AP1M1: variants seen among roughly 807,000 people sequenced by gnomAD.
AP1M1 encodes AP-1 complex subunit mu-1.
Under a neutral mutation model 57.1 loss-of-function variants are expected in AP1M1, and 18 were observed. The observed-to-expected ratio is 0.32, with a 90% CI of 0.22 to 0.47. The LOEUF is 0.47. AP1M1 is among the 20% of genes least tolerant of loss of function. The pLI, the probability that AP1M1 is intolerant of heterozygous loss-of-function variation, is 1.00. For synonymous variants in AP1M1, 241 were observed against 237.9 expected, an observed-to-expected ratio of 1.01 and a Z score of -0.12; for missense variants, 362 against 593.5, an observed-to-expected ratio of 0.61 and a Z score of 4.05.
chr19:16,225,543 G>A (rs774916023), intron 5 of AP1M1, among the ~76,000 whole-genome samples: 6 of 152,218 alleles, frequency 3.9e-5, no homozygotes, highest in Non-Finnish European at 8.8e-5. Context: ...GACAGGCTAG[G>A]GGGTGCAGGA....
At chr19:16,204,707 T>A (rs1413606144) in intron 2 of AP1M1, among the ~76,000 whole-genome samples, 1 of 152,178 alleles carries the variant, frequency 6.6e-6, no homozygotes, top group Non-Finnish European at 1.5e-5. Context: ...GATTTGTTCC[T>A]GGTGGCCGGT....
intron 5 of AP1M1, among the ~76,000 whole-genome samples, chr19:16,219,398 G>GTTTTTTTTT (rs71178659): frequency 4.7e-5 from 1 of 21,478 alleles, no homozygotes; most frequent in African/African-American, 7.4e-5. Context: ...TTGTTTTTTT[G>GTTTTTTTTT]TTTTTTTTTT....
chr19:16,208,372 A>C (rs1599454716), intron 4 of AP1M1: 5 of 420,856 alleles, frequency 1.2e-5, no homozygotes, highest in Non-Finnish European at 1.7e-5. Context: ...CCTCATCTTT[A>C]CTCTCCATCC....
chr19:16,227,465 G>A lies in AP1M1; in HGVS notation c.674-83G>A. 2 of 1,513,334 alleles carry A rather than the reference G, an allele frequency of 1.3e-6. No homozygotes were observed. The allele number at this position is 1,513,334 out of a possible 1,614,324, so 93.7% of individuals were successfully genotyped here. A position where few individuals can be genotyped will look rare whatever the true frequency, so the allele number is the denominator to read the frequency against. Reference sequence around the variant, plus strand: ...GTGGACTGGGGGCCCTGCTCTGCCGGGGTGGGTTGCAGGTGGTAGGAGTAC... The same window carrying A: ...GTGGACTGGGGGCCCTGCTCTGCCGAGGTGGGTTGCAGGTGGTAGGAGTAC... On this transcript the variant is annotated intron_variant, in intron 6 of 11. Transcript: ENST00000291439. This position sits in a 1 kb window ranked among gnomAD's most constrained non-coding sequence, Gnocchi z 6.2.
intron 5 of AP1M1, 177 bp downstream of exon 5, chr19:16,209,354 G>A (rs778990913): frequency 3.1e-5 from 20 of 654,890 alleles, no homozygotes; most frequent in South Asian, 1.0e-4. Context: ...TTTTTGAGAC[G>A]GAATCTCATT....
At chr19:16,212,423 A>G (rs1599456875) in intron 5 of AP1M1, among the ~76,000 whole-genome samples, 1 of 152,150 alleles carries the variant, frequency 6.6e-6, no homozygotes, top group African/African-American at 2.4e-5. Flanking sequence ...GGTTATTTGT[A>G]GTTCTGTGGG....
chr19:16,209,876 G>A (rs1459062661), intron 5 of AP1M1, among the ~76,000 whole-genome samples: 4 of 152,064 alleles, frequency 2.6e-5, no homozygotes, highest in Non-Finnish European at 5.9e-5. Flanking sequence ...GAAAGTTGAC[G>A]TTTTGAAAAT....
At chr19:16,201,483 C>G (rs1025603922) in intron 1 of AP1M1, among the ~76,000 whole-genome samples, 7 of 129,020 alleles carry the variant, frequency 5.4e-5, no homozygotes, top group African/African-American at 2.0e-4. Flanking sequence ...ACTGCAACCT[C>G]TGCCTCCCAG....
At chr19:16,232,389 A>G (rs1184050948) in intron 9 of AP1M1, among the ~76,000 whole-genome samples, 1 of 152,226 alleles carries the variant, frequency 6.6e-6, no homozygotes, top group African/African-American at 2.4e-5. Flanking sequence ...GCAGGCCTCC[A>G]TCGCCCCTGG....
chr19:16,231,234 G>A (rs1200852715), intron 9 of AP1M1, among the ~76,000 whole-genome samples: 1 of 142,994 alleles, frequency 7.0e-6, no homozygotes, highest in Non-Finnish European at 1.5e-5. Flanking sequence ...CTTGCAGTGA[G>A]CCAAGATTGC....
At chr19:16,226,378 G>A in intron 5 of AP1M1, 43 bp from the exon 6 acceptor site, 1 of 1,506,172 alleles carries the variant, frequency 6.6e-7, no homozygotes, top group Non-Finnish European at 8.9e-7. Flanking sequence ...GCAGTGGCTG[G>A]TGAGTTGGGG....
At chr19:16,233,142 G>C (rs1437958133) in intron 9 of AP1M1, among the ~76,000 whole-genome samples, 1 of 152,232 alleles carries the variant, frequency 6.6e-6, no homozygotes, top group Non-Finnish European at 1.5e-5. Context: ...TGGCCGGTCT[G>C]TCTAGTTCAC....
chr19:16,204,993 G>A (rs1035051244), intron 2 of AP1M1, among the ~76,000 whole-genome samples: 3 of 152,056 alleles, frequency 2.0e-5, no homozygotes, highest in Non-Finnish European at 2.9e-5. Context: ...ACCACGCCCA[G>A]CTAATTTTTT....
rs1490194156 is a variant in AP1M1, at chr19:16,203,783, G to C, written c.199+168G>C. 6.6e-6 allele frequency among the ~76,000 whole-genome samples: 1 copy of C among 152,196 alleles called. No homozygotes were observed. Among genetic ancestry groups the C allele is most frequent in the Non-Finnish European group, 1.5e-5 (1 of 68,046 alleles). ...CTGCGGAGACAGGCAGACAATGCAC[G>C]ATGACATGTGTGATGGGTGTGGGGA... On this transcript the variant is annotated intron_variant, in intron 2 of 11. Coordinates refer to ENST00000291439, the MANE Select transcript of AP1M1 (RefSeq NM_032493.4). The surrounding 1 kb of genome is among the most constrained non-coding windows in gnomAD (Gnocchi z 4.6).
Position 16,206,506 on chromosome 19 carries a change from C to A in AP1M1, c.267+98C>A. On this transcript the variant is annotated intron_variant, in intron 3 of 11. Coordinates refer to ENST00000291439, the MANE Select transcript of AP1M1 (RefSeq NM_032493.4). The surrounding 1 kb of genome is among the most constrained non-coding windows in gnomAD (Gnocchi z 4.3). ...CTGGCCACCCTACAGAGAGCTGTGG[C>A]ATCCCCAGGGAGCACTGGGGCTGGA... The A allele has an allele frequency of 1.5e-6, 2 of 1,319,110 alleles. No homozygotes were observed. Among genetic ancestry groups the A allele is most frequent in the Non-Finnish European group, 1.1e-6 (1 of 923,702 alleles). 81.7% of individuals were successfully genotyped at this position (1,319,110 alleles called of 1,614,324 possible). A position where few individuals can be genotyped will look rare whatever the true frequency, so the allele number is the denominator to read the frequency against.
chr19:16,209,487 C>T lies in AP1M1; in HGVS notation c.546+310C>T, dbSNP rs573626771. Among the ~76,000 whole-genome samples the T allele has an allele frequency of 1.6e-4, 25 of 152,316 alleles. No homozygotes were observed. The East Asian group carries it at 2.5e-3, about 15-fold the overall frequency. ...CCGGGATTATAGGCACCCGCCACCACGCTCGGCTAAAGCTTGTTTTCTTTA... is the reference window on the plus strand; with the variant it reads ...CCGGGATTATAGGCACCCGCCACCATGCTCGGCTAAAGCTTGTTTTCTTTA... On this transcript the variant is annotated intron_variant, in intron 5 of 11. Transcript: ENST00000291439.
chr19:16,234,710 G>A lies in AP1M1; in HGVS notation c.*275G>A, dbSNP rs184924392. On this transcript the variant is annotated 3_prime_UTR_variant, in exon 12 of 12. Transcript: ENST00000291439. ...AGGATGTGAAATTTTTCCGTGTAGA[G>A]GTTACAGCCTTTTATGCTGTTGAGC... 31 of 567,852 alleles carry A rather than the reference G, an allele frequency of 5.5e-5. No individual in the cohort carries two copies. The highest frequency in any genetic ancestry group is 9.4e-4 in the Middle Eastern group (2 of 2,132). 35.2% of individuals were successfully genotyped at this position (567,852 alleles called of 1,614,324 possible). A position where few individuals can be genotyped will look rare whatever the true frequency, so the allele number is the denominator to read the frequency against.
At chr19:16,223,013 G>T (rs142099192) in intron 5 of AP1M1, among the ~76,000 whole-genome samples, 2 of 152,162 alleles carry the variant, frequency 1.3e-5, no homozygotes, top group African/African-American at 4.8e-5. Flanking sequence ...TGACATTTTC[G>T]TGGTTGTTTG....
Position 16,228,217 on chromosome 19 carries a change from G to C in AP1M1, c.888+9G>C. ...TCGAGTACATGATCAAGGTGCGTGG[G>C]CCGAGGCCACCCACTGAGGGCCTTC... On this transcript the variant is annotated intron_variant, in intron 8 of 11. Transcript: ENST00000291439. This position sits in a 1 kb window ranked among gnomAD's most constrained non-coding sequence, Gnocchi z 5.0. 1.2e-6 allele frequency: 2 copies of C among 1,613,060 alleles called. No homozygotes were observed. Among genetic ancestry groups the C allele is most frequent in the Non-Finnish European group, 1.7e-6 (2 of 1,179,924 alleles).
Sources: allele counts gnomAD v4.1 joint callset (sites outside exome capture counted in the v4.1 genomes callset), GRCh38; gene constraint gnomAD v4.1.1; non-coding constraint Gnocchi (gnomAD v3.1); transcripts MANE v1.5; gene names NCBI Gene and HGNC (gene_info 2026-07-23, HGNC 2026-07-21).